Variants in GTPBP4 observed in about 807,000 individuals in gnomAD.
The protein encoded by GTPBP4 is GTP binding protein 4, also known as GTP-binding protein 4.
A neutral mutation model predicts 81.7 loss-of-function variants in GTPBP4; 15 were observed. The ratio of observed to expected loss-of-function variants is 0.18; its 90% CI spans 0.12 to 0.28. GTPBP4 has a LOEUF of 0.28. GTPBP4 is among the 10% of genes least tolerant of loss of function. GTPBP4 has a pLI of 1.00. For synonymous variants in GTPBP4, 272 were observed against 274.6 expected (o/e 0.99, Z 0.09); for missense variants, 847 against 793.8 (o/e 1.07, Z -0.81).
At position 1,014,227 on chromosome 10, in the gene GTPBP4, T is replaced by C; in HGVS notation, c.1543-20T>C. ...TCATCAAACTAATTTAAAGCTAATA[T>C]TTCTTTTTATCCTTCTCAGGTTCAG... On this transcript the variant is annotated intron_variant, in intron 14 of 16. Transcript: ENST00000360803. 6.6e-7 allele frequency: 1 copy of C among 1,505,840 alleles called. No individual in the cohort carries two copies. The highest frequency in any genetic ancestry group is 9.2e-7 in the Non-Finnish European group (1 of 1,081,782). 93.3% of individuals were successfully genotyped at this position (1,505,840 alleles called of 1,614,324 possible).
In GTPBP4 at chr10:1,019,305, C is replaced by T. The variant is rs189984608; in HGVS notation, c.*2078C>T. ...ACAAAGGAAATGTTAAATTTCCTCC[C>T]TGCAACCAGGCAGATGAGAAATATG... is the stretch of plus-strand genomic sequence containing the variant. On this transcript the variant is annotated 3_prime_UTR_variant, in exon 17 of 17. Coordinates refer to ENST00000360803, the MANE Select transcript of GTPBP4 (RefSeq NM_012341.3). 542 of 525,052 alleles carry T rather than the reference C, an allele frequency of 1.0e-3. 3 individuals are homozygous for T. The highest frequency in any genetic ancestry group is 9.6e-3 in the African/African-American group (505 of 52,394). The allele number at this position is 525,052 out of a possible 1,614,324, so 32.5% of individuals were successfully genotyped here. A position where few individuals can be genotyped will look rare whatever the true frequency, so the allele number is the denominator to read the frequency against.
rs536537832 is a variant in GTPBP4, at chr10:1,012,842, G to A, written c.1542+180G>A. Among the ~76,000 whole-genome samples, 33 of 152,158 alleles carry A rather than the reference G, an allele frequency of 2.2e-4. No individual in the cohort carries two copies. The South Asian group carries it at 4.8e-3, about 22-fold the overall frequency. On this transcript the variant is annotated intron_variant, in intron 14 of 16. Transcript: ENST00000360803. Reference sequence around the variant, plus strand: ...ATTGATCTTTTATATTCTTTACTGCGTCCTTTCTTGGTGACTTTCAGCTTC... The same window carrying A: ...ATTGATCTTTTATATTCTTTACTGCATCCTTTCTTGGTGACTTTCAGCTTC...
chr10:1,009,434 A>G, intron 11 of GTPBP4, 95 bp from the exon 12 acceptor site: 2 of 855,750 alleles, frequency 2.3e-6, no homozygotes, highest in Non-Finnish European at 2.0e-6. Context: ...TACTGAGAGG[A>G]TTGGAGAAAA....
Position 996,356 on chromosome 10 carries a change from ATTC to A in GTPBP4, c.460+118_460+120del, listed in dbSNP as rs1378346754. The A allele has an allele frequency of 1.8e-5, 15 of 843,594 alleles. No homozygotes were observed. In the Middle Eastern group the frequency reaches 8.8e-4, roughly 49 times the overall value. The allele number at this position is 843,594 out of a possible 1,614,324, so 52.3% of individuals were successfully genotyped here. On this transcript the variant is annotated intron_variant, in intron 4 of 16. Transcript: ENST00000360803. ...TATTTTGGAGATGACAGGGTCAGTT[ATTC>A]TTCCTAGCTTTACCTATGAGAAACA...
intron 1 of GTPBP4, among the ~76,000 whole-genome samples, chr10:990,770 T>TGAC (rs1269724401): frequency 7.0e-6 from 1 of 143,862 alleles, no homozygotes; most frequent in Non-Finnish European, 1.5e-5. Flanking sequence ...ATATCTCGTA[T>TGAC]GACCATACTA....
chr10:998,748 G>A (rs1010279793), intron 5 of GTPBP4, among the ~76,000 whole-genome samples: 4 of 152,218 alleles, frequency 2.6e-5, no homozygotes, highest in African/African-American at 9.6e-5. Context: ...CATTGCAGGC[G>A]GTGGGGCAGG....
At chr10:992,046 G>A (rs1023436841) in intron 1 of GTPBP4, among the ~76,000 whole-genome samples, 1 of 151,290 alleles carries the variant, frequency 6.6e-6, no homozygotes, top group African/African-American at 2.4e-5. Flanking sequence ...GGTTGTACAT[G>A]AAACGTTTAG....
Position 1,019,837 on chromosome 10 carries a change from A to G in GTPBP4, c.*2610A>G, listed in dbSNP as rs113541732. On this transcript the variant is annotated 3_prime_UTR_variant, in exon 17 of 17. Coordinates refer to ENST00000360803, the MANE Select transcript of GTPBP4 (RefSeq NM_012341.3). The stretch of plus-strand genomic sequence containing the variant: ...AACACAATGTCCTCTGGAGAAATCT[A>G]TTGACAGAAATTGGTGCAGTGTTAA... 7 of 1,606,526 alleles carry G rather than the reference A, an allele frequency of 4.4e-6. No homozygotes were observed. Among genetic ancestry groups the G allele is most frequent in the Non-Finnish European group, 6.0e-6 (7 of 1,173,314 alleles).
chr10:996,892 C>A, intron 4 of GTPBP4: 1 of 312,868 alleles, frequency 3.2e-6, no homozygotes, highest in Non-Finnish European at 5.9e-6. Flanking sequence ...TCCCTAATGT[C>A]ATCTTGCTAA....
intron 1 of GTPBP4, 59 bp downstream of exon 1, chr10:988,586 G>A (rs1831383485): frequency 7.6e-6 from 10 of 1,319,822 alleles, no homozygotes; most frequent in Non-Finnish European, 1.1e-5. Flanking sequence ...GGGTCCCCGG[G>A]GAGGGTCCGG....
Position 1,000,810 on chromosome 10 carries a change from A to C in GTPBP4, c.788A>C (p.His263Pro), listed in dbSNP as rs1831616164. 1 of 1,611,660 alleles carries C rather than the reference A, an allele frequency of 6.2e-7. No individual in the cohort carries two copies. Among genetic ancestry groups the C allele is most frequent in the Non-Finnish European group, 8.5e-7 (1 of 1,178,632 alleles). The change falls in exon 7 of 17, where the codon CAT (histidine) becomes CCT (proline). Residue 263 changes from histidine to proline, a missense_variant. Physicochemically the swap from His to Pro is moderately conservative, Grantham distance 77. Coordinates refer to ENST00000360803, the MANE Select transcript of GTPBP4 (RefSeq NM_012341.3). ...YVMDLSEQCG[H>P]GLREQLELFQ... ...ATGGATTTGTCTGAGCAGTGTGGGC[A>C]TGGGCTGAGGGAGCAGCTAGAACTC... is the stretch of plus-strand genomic sequence containing the variant.
At chr10:1,016,326 C>G (rs189855661) in intron 16 of GTPBP4, among the ~76,000 whole-genome samples, 180 of 152,308 alleles carry the variant, frequency 1.2e-3, no homozygotes, top group Non-Finnish European at 5.4e-4. Context: ...ATTGTTCCCC[C>G]CAGGTGGAGA....
chr10:998,214 C>T (rs7341997), intron 5 of GTPBP4, among the ~76,000 whole-genome samples: 1 of 152,260 alleles, frequency 6.6e-6, no homozygotes, highest in Non-Finnish European at 1.5e-5. Flanking sequence ...GTCCTCCCAC[C>T]TCAGCCACCC....
At chr10:1,000,478 C>T (rs1831606984) in intron 6 of GTPBP4, among the ~76,000 whole-genome samples, 199 bp from the exon 7 acceptor site, 1 of 151,244 alleles carries the variant, frequency 6.6e-6, no homozygotes, top group African/African-American at 2.4e-5. Flanking sequence ...ACCTCGTGAT[C>T]CACCCGCCTC....
intron 4 of GTPBP4, chr10:996,992 T>C (rs1402866892): frequency 1.1e-5 from 6 of 542,232 alleles, no homozygotes; most frequent in East Asian, 3.3e-5. Context: ...CTGAGGAATA[T>C]GATTCTTACC....
intron 8 of GTPBP4, among the ~76,000 whole-genome samples, chr10:1,001,665 T>C (rs1256773779): frequency 7.3e-6 from 1 of 137,528 alleles, no homozygotes; most frequent in Non-Finnish European, 1.5e-5. Flanking sequence ...GGGACATGTT[T>C]ATAATTCTCA....
At chr10:1,013,978 C>T (rs886691398) in intron 14 of GTPBP4, among the ~76,000 whole-genome samples, 8 of 152,146 alleles carry the variant, frequency 5.3e-5, no homozygotes, top group Non-Finnish European at 1.0e-4. Context: ...TGGAGACGGT[C>T]ACTCTCTCCC....
chr10:997,340 T>C (rs372542791), intron 5 of GTPBP4, 32 bp downstream of exon 5: 281 of 1,152,454 alleles, frequency 2.4e-4, no homozygotes, highest in Non-Finnish European at 3.2e-4. Flanking sequence ...AAGCAAATCA[T>C]CTGACTATTT....
chr10:1,014,528 G>A (rs1372512028), intron 15 of GTPBP4, among the ~76,000 whole-genome samples: 1 of 151,966 alleles, frequency 6.6e-6, no homozygotes, highest in South Asian at 2.1e-4. Flanking sequence ...GCGTGGTGGC[G>A]TGTGCCTGTA....
Sources: gnomAD v4.1 joint callset for allele counts (sites outside exome capture counted in the v4.1 genomes callset) on GRCh38, gnomAD v4.1.1 for gene constraint, MANE v1.5 for transcripts, NCBI Gene and HGNC (gene_info 2026-07-23, HGNC 2026-07-21) for gene names.